Variants in MEIS1 observed in about 807,000 individuals in gnomAD.
MEIS1 encodes the protein homeobox protein Meis1.
A neutral mutation model predicts 50.8 loss-of-function variants in MEIS1; 5 were observed. That is an observed-to-expected ratio of 0.10 (90% CI 0.05 to 0.21). The LOEUF is 0.21. Among genes scored for constraint, MEIS1 ranks in the 10% least tolerant of loss-of-function variants. MEIS1 has a pLI of 1.00. For synonymous variants in MEIS1, 176 were observed against 179.3 expected, an observed-to-expected ratio of 0.98 and a Z score of 0.15; for missense variants, 318 against 517.3, an observed-to-expected ratio of 0.61 and a Z score of 3.74.
intron 8 of MEIS1, among the ~76,000 whole-genome samples, chr2:66,524,978 C>T (rs10199949): frequency 0.012 from 1,876 of 152,260 alleles, 38 homozygotes; most frequent in African/African-American, 0.043. Context: ...GAGACCAGGA[C>T]AGGCAGATTG....
intron 7 of MEIS1, among the ~76,000 whole-genome samples, chr2:66,495,500 G>A (rs1673379939): frequency 6.6e-6 from 1 of 152,188 alleles, no homozygotes; most frequent in South Asian, 2.1e-4. Flanking sequence ...CTTCAGAGAT[G>A]TTTCTGGAAG....
intron 6 of MEIS1, among the ~76,000 whole-genome samples, chr2:66,458,165 A>G (rs1573140087): frequency 1.3e-5 from 2 of 152,132 alleles, no homozygotes; most frequent in African/African-American, 4.8e-5. Context: ...AAAAAACTCT[A>G]TTTTTGGTTC....
chr2:66,566,307 T>C (rs1675345843), intron 9 of MEIS1, among the ~76,000 whole-genome samples: 1 of 152,194 alleles, frequency 6.6e-6, no homozygotes, highest in Non-Finnish European at 1.5e-5. Flanking sequence ...TCCCTGTCTG[T>C]TTAATGGTTT....
At chr2:66,488,494 C>T (rs550022106) in intron 7 of MEIS1, among the ~76,000 whole-genome samples, 7 of 152,126 alleles carry the variant, frequency 4.6e-5, no homozygotes, top group African/African-American at 1.7e-4. Flanking sequence ...CTGGCCAACA[C>T]AGTGAAACCC....
intron 8 of MEIS1, among the ~76,000 whole-genome samples, chr2:66,532,518 C>T (rs1269464507): frequency 6.6e-6 from 1 of 151,814 alleles, no homozygotes; most frequent in Non-Finnish European, 1.5e-5. Flanking sequence ...TGTGGGTTTC[C>T]ACTGCATAAA....
intron 7 of MEIS1, among the ~76,000 whole-genome samples, chr2:66,468,584 C>G (rs1209980683): frequency 6.6e-6 from 1 of 152,212 alleles, no homozygotes; most frequent in African/African-American, 2.4e-5. Context: ...GGTGCTCAAG[C>G]CGGGACTTGA....
intron 8 of MEIS1, among the ~76,000 whole-genome samples, chr2:66,517,800 G>A (rs151215351): frequency 1.4e-4 from 21 of 152,222 alleles, no homozygotes; most frequent in South Asian, 6.2e-4. Context: ...ATAATGAAGC[G>A]GGTGGTTTCC....
intron 8 of MEIS1, among the ~76,000 whole-genome samples, chr2:66,543,344 G>T (rs999099023): frequency 6.6e-6 from 1 of 152,142 alleles, no homozygotes; most frequent in Non-Finnish European, 1.5e-5. Flanking sequence ...ATGAAGAGTG[G>T]CAAGTGGTTT....
At chr2:66,514,852 C>T (rs1260181333) in intron 8 of MEIS1, among the ~76,000 whole-genome samples, 1 of 152,128 alleles carries the variant, frequency 6.6e-6, no homozygotes, top group Non-Finnish European at 1.5e-5. Context: ...GTTTTGTAAT[C>T]CTTCTTGAAG....
intron 7 of MEIS1, among the ~76,000 whole-genome samples, chr2:66,469,452 C>T (rs1350031073): frequency 2.6e-5 from 4 of 152,032 alleles, no homozygotes; most frequent in Admixed American, 2.0e-4. Flanking sequence ...TGGGGAGCAC[C>T]GGGCGAGGGA....
rs1020750263 is a variant in MEIS1, at chr2:66,482,104, C to A, written c.742+17884C>A. Among the ~76,000 whole-genome samples the A allele has an allele frequency of 5.9e-5, 9 of 152,154 alleles. No homozygotes were observed. In the South Asian group the frequency reaches 1.9e-3, roughly 32 times the overall value. ...CTCAATCTCTTGACCTTGTGATCTG[C>A]CTACGTCGGCCTCCCAAAGTGGTGG... On this transcript the variant is annotated intron_variant, in intron 7 of 12. Coordinates refer to ENST00000272369, the MANE Select transcript of MEIS1 (RefSeq NM_002398.3).
chr2:66,463,769 T>C (rs1672573996), intron 6 of MEIS1, among the ~76,000 whole-genome samples: 1 of 152,218 alleles, frequency 6.6e-6, no homozygotes, highest in Admixed American at 6.5e-5. Flanking sequence ...TAGCAGACTG[T>C]TGTGCCAGAG....
chr2:66,520,552 A>G lies in MEIS1; in HGVS notation c.888+8258A>G, dbSNP rs531597311. Among the ~76,000 whole-genome samples the G allele has an allele frequency of 5.3e-5, 8 of 152,296 alleles. No individual in the cohort carries two copies. The East Asian group carries it at 9.6e-4, about 18-fold the overall frequency. ...TTCACAAAATGAATTCGTTGAAAAA[A>G]TAAAATAAAATATTCTCCTGCCTGC... On this transcript the variant is annotated intron_variant, in intron 8 of 12. Coordinates refer to ENST00000272369, the MANE Select transcript of MEIS1 (RefSeq NM_002398.3).
At position 66,440,528 on chromosome 2, in the gene MEIS1, C is replaced by T. The variant is rs530537265; in HGVS notation, c.382-34C>T. ...AATTTTTCTTTCTTTTTTCTCTCCC[C>T]TCCCTCTCCCCTCTCCTTCTCACTT... On this transcript the variant is annotated intron_variant, in intron 3 of 12. Transcript: ENST00000272369. The T allele has an allele frequency of 1.6e-5, 26 of 1,586,358 alleles. No individual in the cohort carries two copies. The East Asian group carries it at 2.7e-4, about 16-fold the overall frequency.
intron 7 of MEIS1, among the ~76,000 whole-genome samples, chr2:66,475,227 TAAAAATA>T (rs1483498063): frequency 8.8e-6 from 1 of 113,724 alleles, no homozygotes; most frequent in African/African-American, 6.4e-5. Flanking sequence ...TGTATATTTA[TAAAAATA>T]TTTATAAATA....
At chr2:66,557,977 T>G (rs1260130336) in intron 9 of MEIS1, among the ~76,000 whole-genome samples, 1 of 152,106 alleles carries the variant, frequency 6.6e-6, no homozygotes, top group Non-Finnish European at 1.5e-5. Context: ...TTACGAGTGA[T>G]GTTCAAAGAA....
intron 8 of MEIS1, among the ~76,000 whole-genome samples, chr2:66,526,424 G>A (rs371506874): frequency 6.6e-6 from 1 of 152,194 alleles, no homozygotes; most frequent in Admixed American, 6.5e-5. Context: ...CAGGGAGCTG[G>A]CAGGGTGCCT....
chr2:66,472,418 A>G (rs750584116), intron 7 of MEIS1, among the ~76,000 whole-genome samples: 2 of 152,244 alleles, frequency 1.3e-5, no homozygotes, highest in Non-Finnish European at 1.5e-5. Context: ...TATACATTCT[A>G]GTCAAGTCAT....
intron 9 of MEIS1, among the ~76,000 whole-genome samples, chr2:66,550,161 A>G (rs1674885568): frequency 6.6e-6 from 1 of 152,196 alleles, no homozygotes; most frequent in African/African-American, 2.4e-5. Context: ...AATAACTTAA[A>G]AATAGCTTTT....
Sources: gnomAD v4.1 joint callset for allele counts (sites outside exome capture counted in the v4.1 genomes callset) on GRCh38, gnomAD v4.1.1 for gene constraint, MANE v1.5 for transcripts, NCBI Gene and HGNC (gene_info 2026-07-23, HGNC 2026-07-21) for gene names.